Variants in ZNF3 observed in about 807,000 individuals in gnomAD.
ZNF3 encodes C2-H2 type zinc finger protein.
A neutral mutation model predicts 36.9 loss-of-function variants in ZNF3; 16 were observed. That is an observed-to-expected ratio of 0.43 (90% CI 0.29 to 0.66). The LOEUF (loss-of-function observed/expected upper bound fraction) is 0.66. Among genes scored for constraint, ZNF3 ranks in the 30% least tolerant of loss-of-function variants. The probability of loss-of-function intolerance (pLI) is 0.13; values close to 1 mark genes in which losing one functional copy is unlikely to be tolerated. For missense variants in ZNF3, 462 were observed against 543.1 expected, an observed-to-expected ratio of 0.85 and a Z score of 1.48; for synonymous variants, 201 against 201.9, an observed-to-expected ratio of 1.00 and a Z score of 0.04.
At chr7:100,072,277 C>T in intron 5 of ZNF3, 65 bp from the exon 6 acceptor site, 2 of 1,400,314 alleles carry the variant, frequency 1.4e-6, no homozygotes, top group Admixed American at 2.2e-5. Context: ...AATCACAGGA[C>T]AGGATCATTG....
chr7:100,076,093 CTCCCAAATA>C (rs1042402071), intron 3 of ZNF3, among the ~76,000 whole-genome samples: 32 of 151,700 alleles, frequency 2.1e-4, no homozygotes, highest in African/African-American at 7.7e-4. Context: ...CTGCCTCAGC[CTCCCAAATA>C]GCTGGGATTA....
chr7:100,074,367 C>T (rs1041306895), intron 5 of ZNF3, among the ~76,000 whole-genome samples: 2 of 152,152 alleles, frequency 1.3e-5, no homozygotes, highest in African/African-American at 4.8e-5. Flanking sequence ...GCTTCCCAGG[C>T]TCAAGTGATC....
At chr7:100,065,680 G>C (rs1792616253), downstream of ZNF3, among the ~76,000 whole-genome samples, 1 of 151,640 alleles carries the variant, frequency 6.6e-6, no homozygotes, top group Admixed American at 6.6e-5. Flanking sequence ...GCTGGGGAAG[G>C]GCAGGGTGTG....
At chr7:100,081,920 C>A (rs1278837112), upstream of ZNF3, among the ~76,000 whole-genome samples, 1 of 152,150 alleles carries the variant, frequency 6.6e-6, no homozygotes, top group Non-Finnish European at 1.5e-5. The surrounding 1 kb of genome is among the most constrained non-coding windows in gnomAD (Gnocchi z 4.3). Flanking sequence ...TCTTTCGCTG[C>A]GGGGGCTGGC....
chr7:100,064,641 C>A (rs767695046), exon 6 of ZNF3: 2 of 1,604,530 alleles, frequency 1.2e-6, no homozygotes, highest in Middle Eastern at 1.7e-4. Flanking sequence ...CTGTTGTTGT[C>A]GTTGTTTTAA....
At chr7:100,079,385 TCA>T (rs1406444654) in intron 2 of ZNF3, among the ~76,000 whole-genome samples, 149 bp downstream of exon 2, 1 of 152,196 alleles carries the variant, frequency 6.6e-6, no homozygotes, top group African/African-American at 2.4e-5. Context: ...ACAGCGTTTC[TCA>T]CAGAAAGAAA....
exon 6 of ZNF3, chr7:100,064,488 C>G (rs1174428035): frequency 1.9e-6 from 3 of 1,613,962 alleles, no homozygotes; most frequent in Non-Finnish European, 2.5e-6. Flanking sequence ...GCTCCAACTT[C>G]AATAAACACC....
At chr7:100,080,623 C>A (rs1188099356) in intron 1 of ZNF3, among the ~76,000 whole-genome samples, 3 of 152,074 alleles carry the variant, frequency 2.0e-5, no homozygotes, top group Non-Finnish European at 4.4e-5. Flanking sequence ...ACCAGCCTGG[C>A]CAAAAGGGCG....
In ZNF3 at chr7:100,071,031, A is replaced by G; in HGVS notation, c.*112T>C. The G allele has an allele frequency of 6.7e-7, 1 of 1,494,778 alleles. No individual in the cohort carries two copies. 92.6% of individuals were successfully genotyped at this position (1,494,778 alleles called of 1,614,324 possible). A position where few individuals can be genotyped will look rare whatever the true frequency, so the allele number is the denominator to read the frequency against. The stretch of plus-strand genomic sequence containing the variant: ...ATTTGCCCCATCTGCCCCATTCTCT[A>G]AAATGAAAAGTCTGAGTTGAAAGGG... On this transcript the variant is annotated 3_prime_UTR_variant, in exon 6 of 6. Coordinates refer to ENST00000299667, the MANE Select transcript of ZNF3 (RefSeq NM_032924.5).
At position 100,070,947 on chromosome 7, in the gene ZNF3, C is replaced by A. The variant is rs575445551; in HGVS notation, c.*196G>T. The A allele has an allele frequency of 7.3e-7, 1 of 1,374,734 alleles. No homozygotes were observed. The highest frequency in any genetic ancestry group is 9.4e-7 in the Non-Finnish European group (1 of 1,069,502). The allele number at this position is 1,374,734 out of a possible 1,614,324, so 85.2% of individuals were successfully genotyped here. On this transcript the variant is annotated 3_prime_UTR_variant, in exon 6 of 6. Transcript: ENST00000299667. ...CCAGAGCTGCTTTCTATTCCCAGCA[C>A]GCCATCCACTTGCCTTGACGCTTTC... is the stretch of plus-strand genomic sequence containing the variant.
At chr7:100,065,541 A>G (rs1435674502), downstream of ZNF3, among the ~76,000 whole-genome samples, 3 of 152,102 alleles carry the variant, frequency 2.0e-5, no homozygotes, top group Non-Finnish European at 4.4e-5. Flanking sequence ...GCAAACAACC[A>G]TTATCAGCCA....
Position 100,071,152 on chromosome 7 carries a change from C to G in ZNF3, c.1332G>C (p.Glu444Asp), listed in dbSNP as rs1175118976. 1 of 1,585,576 alleles carries G rather than the reference C, an allele frequency of 6.3e-7. No individual in the cohort carries two copies. The highest frequency in any genetic ancestry group is 2.2e-5 in the East Asian group (1 of 44,574). The change falls in exon 6 of 6, where the codon GAG becomes GAC. Residue 444 changes from glutamate (E) to aspartate (D), a missense_variant. Coordinates refer to ENST00000299667, the MANE Select transcript of ZNF3 (RefSeq NM_032924.5). ...LRVTTELNIR[E>D]ST Reference sequence around the variant, plus strand: ...TGGGTGTGTGGCTCTTTCACGTGGACTCTCTGATATTTAACTCGGTCGTAA... The same window carrying G: ...TGGGTGTGTGGCTCTTTCACGTGGAGTCTCTGATATTTAACTCGGTCGTAA...
downstream of ZNF3, among the ~76,000 whole-genome samples, chr7:100,068,265 TAGAGAC>T (rs557074524): frequency 2.3e-4 from 35 of 152,220 alleles, no homozygotes; most frequent in Non-Finnish European, 4.4e-5. Flanking sequence ...CTATTTTTAG[TAGAGAC>T]AGAGTTTTAC....
At chr7:100,079,379 C>A (rs1368028077) in intron 2 of ZNF3, among the ~76,000 whole-genome samples, 157 bp downstream of exon 2, 1 of 152,180 alleles carries the variant, frequency 6.6e-6, no homozygotes, top group Non-Finnish European at 1.5e-5. Context: ...CAGTAAACAG[C>A]GTTTCTCACA....
At position 100,075,613 on chromosome 7, in the gene ZNF3, G is replaced by A. The variant is rs1793965661; in HGVS notation, c.73C>T (p.Pro25Ser). Residue 25 changes from proline (P) to serine (S), a missense_variant, in exon 4 of 6, where the codon CCT (proline) becomes TCT (serine). Transcript: ENST00000299667. Reference sequence around the variant, plus strand: ...AGGCTGTCCTTGTCGGAAAAGGCAGGAACTTTTGAAGGAAGAGCTGAAGGG... The same window carrying A: ...AGGCTGTCCTTGTCGGAAAAGGCAGAAACTTTTGAAGGAAGAGCTGAAGGG... Reference protein sequence around the residue: ...LLDSALPSKVPAFSDKDSLGD... With the variant: ...LLDSALPSKVSAFSDKDSLGD... The A allele has an allele frequency of 1.9e-6, 3 of 1,614,076 alleles. No homozygotes were observed. Among genetic ancestry groups the A allele is most frequent in the Non-Finnish European group, 2.5e-6 (3 of 1,180,008 alleles).
At chr7:100,075,736 A>T (rs56054049) in intron 3 of ZNF3, 106 bp from the exon 4 acceptor site, 21 of 992,458 alleles carry the variant, frequency 2.1e-5, no homozygotes, top group South Asian at 2.0e-4. Context: ...GGGACAACAC[A>T]GGACCCTCTC....
intron 2 of ZNF3, 118 bp downstream of exon 2, chr7:100,079,418 G>A (rs576460400): frequency 2.0e-5 from 3 of 152,388 alleles, no homozygotes; most frequent in Non-Finnish European, 4.4e-5. Context: ...GTGCCCCCAT[G>A]GCTTCAGGTC....
At chr7:100,072,735 A>T (rs567531067) in intron 5 of ZNF3, among the ~76,000 whole-genome samples, 3 of 152,304 alleles carry the variant, frequency 2.0e-5, no homozygotes, top group African/African-American at 7.2e-5. Flanking sequence ...CACGCCACAA[A>T]TGCCAAGCCC....
chr7:100,071,689 GAAGGTTTTCCCACAATCACTACATTCAT>G lies in ZNF3; in HGVS notation c.767_794del (p.Tyr256SerfsTer160). 1 of 1,613,794 alleles carries G rather than the reference GAAGGTTTTCCCACAATCACTACATTCAT, an allele frequency of 6.2e-7. No individual in the cohort carries two copies. Among genetic ancestry groups the G allele is most frequent in the Non-Finnish European group, 8.5e-7 (1 of 1,179,968 alleles). ...GCAGAATGAGGGCAGAGCTACAGCT[GAAGGTTTTCCCACAATCACTACATTCAT>G]AAGGTTTTTCCCCAGTGTGGATTCT... On this transcript the variant is annotated frameshift_variant, in exon 6 of 6. Transcript: ENST00000299667. LOFTEE classifies it high-confidence loss of function.
Sources: gnomAD v4.1 joint callset for allele counts (sites outside exome capture counted in the v4.1 genomes callset) on GRCh38, gnomAD v4.1.1 for gene constraint, Gnocchi (gnomAD v3.1) non-coding constraint, MANE v1.5 for transcripts, NCBI Gene and HGNC (gene_info 2026-07-23, HGNC 2026-07-21) for gene names.